Variants in SLC39A11 observed in about 807,000 individuals in gnomAD.
The protein encoded by SLC39A11 is solute carrier family 39 member 11.
In SLC39A11, 33 loss-of-function variants were observed where a neutral mutation model predicts 36.1. The ratio of observed to expected loss-of-function variants is 0.91; its 90% CI spans 0.69 to 1.22. SLC39A11 has a LOEUF of 1.22. Ranked by LOEUF, SLC39A11 falls within the 50% of genes most tolerant of loss-of-function variation. The pLI, the probability that SLC39A11 is intolerant of heterozygous loss-of-function variation, is 0.00. For synonymous variants in SLC39A11, 166 were observed against 170.3 expected (o/e 0.97, Z 0.20); for missense variants, 432 against 430.3 (o/e 1.00, Z -0.03).
At chr17:72,693,676 C>T (rs2072145308) in intron 7 of SLC39A11, among the ~76,000 whole-genome samples, 1 of 152,128 alleles carries the variant, frequency 6.6e-6, no homozygotes, top group Admixed American at 6.5e-5. Context: ...CAATCAACTT[C>T]CTGGAGGACA....
chr17:72,785,653 G>A (rs1289488712), intron 6 of SLC39A11, among the ~76,000 whole-genome samples: 1 of 152,200 alleles, frequency 6.6e-6, no homozygotes, highest in African/African-American at 2.4e-5. Flanking sequence ...GAAGGTGGAA[G>A]GGCTTTAGTG....
intron 6 of SLC39A11, among the ~76,000 whole-genome samples, chr17:72,833,340 G>A (rs2078368529): frequency 6.6e-6 from 1 of 152,208 alleles, no homozygotes; most frequent in Non-Finnish European, 1.5e-5. Context: ...CAGATATTCA[G>A]ATATTCAGAC....
intron 6 of SLC39A11, among the ~76,000 whole-genome samples, chr17:72,761,877 T>C (rs1330064349): frequency 3.3e-5 from 5 of 152,210 alleles, no homozygotes; most frequent in South Asian, 2.1e-4. Flanking sequence ...TGCAGGGTCA[T>C]GCTATTCCCA....
chr17:73,010,452 C>T (rs1010730064), intron 4 of SLC39A11, among the ~76,000 whole-genome samples: 1 of 152,270 alleles, frequency 6.6e-6, no homozygotes. Flanking sequence ...TATAGGTAGC[C>T]TTCAATCAAT....
Position 73,052,607 on chromosome 17 carries a change from CTG to C in SLC39A11, c.148-20895_148-20894del, listed in dbSNP as rs558538875. 9.9e-5 allele frequency among the ~76,000 whole-genome samples: 15 copies of C among 152,246 alleles called. No individual in the cohort carries two copies. In the East Asian group the frequency reaches 2.9e-3, roughly 29 times the overall value. On this transcript the variant is annotated intron_variant, in intron 3 of 9. Transcript: ENST00000255559. ...GAACTCAGGGACACTGGCTTCCAAACTGAGAAACTGCAGAACACATTTATTTA... is the reference window on the plus strand; with the variant it reads ...GAACTCAGGGACACTGGCTTCCAAACAGAAACTGCAGAACACATTTATTTA...
rs925069672 is a variant in SLC39A11 at position 72,926,984 on chromosome 17, A to C, written c.430+20768T>G. On this transcript the variant is annotated intron_variant, in intron 5 of 9. Coordinates refer to ENST00000255559, the MANE Select transcript of SLC39A11 (RefSeq NM_139177.4). ...ACTACCCTGATTTGAACAGCACCAG[A>C]CACAGAGCTGTGAAAGAAAATGCCT... Among the ~76,000 whole-genome samples the C allele has an allele frequency of 9.2e-5, 14 of 152,152 alleles. No homozygotes were observed. In the East Asian group the frequency reaches 2.5e-3, roughly 27 times the overall value.
At chr17:72,976,647 G>A (rs1055436100) in intron 4 of SLC39A11, among the ~76,000 whole-genome samples, 4 of 152,108 alleles carry the variant, frequency 2.6e-5, no homozygotes, top group African/African-American at 9.7e-5. Context: ...TCAGGAGATC[G>A]AGACCATCCA....
At chr17:73,061,387 A>T (rs1300039395) in intron 3 of SLC39A11, among the ~76,000 whole-genome samples, 1 of 152,186 alleles carries the variant, frequency 6.6e-6, no homozygotes, top group African/African-American at 2.4e-5. Flanking sequence ...CAGAACTCGT[A>T]TGAAGAAACT....
At chr17:72,900,016 G>A (rs187445280) in intron 5 of SLC39A11, among the ~76,000 whole-genome samples, 5 of 132,920 alleles carry the variant, frequency 3.8e-5, no homozygotes, top group South Asian at 2.2e-4. Flanking sequence ...GAGAGAGAGA[G>A]AGAAAGAGAG....
intron 4 of SLC39A11, among the ~76,000 whole-genome samples, chr17:73,020,411 A>G (rs2058302539): frequency 6.6e-6 from 1 of 152,222 alleles, no homozygotes; most frequent in Non-Finnish European, 1.5e-5. Flanking sequence ...AGCCCTCACC[A>G]GGAACTGAAT....
chr17:72,827,469 C>T (rs187994682), intron 6 of SLC39A11, among the ~76,000 whole-genome samples: 1 of 152,254 alleles, frequency 6.6e-6, no homozygotes, highest in African/African-American at 2.4e-5. Flanking sequence ...AAACTGTACA[C>T]TTCAAATGGG....
In SLC39A11 at chr17:73,031,538, A is replaced by T. The variant is rs2058738408; in HGVS notation, c.306+18T>A. 6.2e-7 allele frequency: 1 copy of T among 1,614,012 alleles called. No individual in the cohort carries two copies. Among genetic ancestry groups the T allele is most frequent in the South Asian group, 1.1e-5 (1 of 91,076 alleles). On this transcript the variant is annotated intron_variant, in intron 4 of 9. Coordinates refer to ENST00000255559, the MANE Select transcript of SLC39A11 (RefSeq NM_139177.4). ...GGTTGTATCCCGATACGACAGCTAAAAGTAGAGTGGTACTCACCAAGTGAG... is the reference window on the plus strand; with the variant it reads ...GGTTGTATCCCGATACGACAGCTAATAGTAGAGTGGTACTCACCAAGTGAG...
At chr17:73,066,672 T>A (rs1299098736) in intron 3 of SLC39A11, among the ~76,000 whole-genome samples, 1 of 152,162 alleles carries the variant, frequency 6.6e-6, no homozygotes, top group Non-Finnish European at 1.5e-5. Context: ...TCAAGTTTCA[T>A]GGGCCAGGAG....
chr17:72,928,249 T>C (rs2084173266), intron 5 of SLC39A11, among the ~76,000 whole-genome samples: 1 of 152,216 alleles, frequency 6.6e-6, no homozygotes, highest in African/African-American at 2.4e-5. Context: ...CCAAGTTCAC[T>C]AATTGGATTC....
chr17:72,667,729 G>A (rs556300247), intron 7 of SLC39A11, among the ~76,000 whole-genome samples: 1 of 152,216 alleles, frequency 6.6e-6, no homozygotes, highest in African/African-American at 2.4e-5. Flanking sequence ...ACCATGGCAG[G>A]AACACCAGCA....
chr17:72,780,591 C>T (rs2076281947), intron 6 of SLC39A11, among the ~76,000 whole-genome samples: 1 of 151,790 alleles, frequency 6.6e-6, no homozygotes, highest in Admixed American at 6.6e-5. Flanking sequence ...AGAGCAATTC[C>T]GGGACTTGAC....
intron 5 of SLC39A11, among the ~76,000 whole-genome samples, chr17:72,858,406 A>T (rs951734967): frequency 1.6e-4 from 24 of 152,162 alleles, no homozygotes; most frequent in African/African-American, 5.8e-4. Context: ...AAGTTCGGAA[A>T]TGTGATGCCT....
intron 6 of SLC39A11, among the ~76,000 whole-genome samples, chr17:72,742,342 G>A (rs1390017809): frequency 2.6e-5 from 4 of 152,278 alleles, no homozygotes; most frequent in East Asian, 1.9e-4. Flanking sequence ...AGCCCGAGTC[G>A]TGGGAGCTGC....
intron 6 of SLC39A11, among the ~76,000 whole-genome samples, chr17:72,799,311 T>C (rs2077005208): frequency 6.6e-6 from 1 of 152,200 alleles, no homozygotes; most frequent in South Asian, 2.1e-4. Flanking sequence ...TTGTGTTAAC[T>C]GTACAAATTG....
Sources: gnomAD v4.1 joint callset for allele counts (sites outside exome capture counted in the v4.1 genomes callset) on GRCh38, gnomAD v4.1.1 for gene constraint, MANE v1.5 for transcripts, NCBI Gene and HGNC (gene_info 2026-07-23, HGNC 2026-07-21) for gene names.